The following LRMDA variants were observed in gnomAD, a reference collection of about 807,000 sequenced individuals.
The protein encoded by LRMDA is leucine rich melanocyte differentiation associated.
LRMDA carries 18 observed loss-of-function variants against 29.8 expected under a neutral mutation model. The ratio of observed to expected loss-of-function variants is 0.60; its 90% CI spans 0.42 to 0.90. The LOEUF is 0.90. Ranked by LOEUF, LRMDA falls within the 40% of genes least tolerant of loss-of-function variation. LRMDA has a pLI of 0.00. For synonymous variants in LRMDA, 125 were observed against 109.4 expected, an observed-to-expected ratio of 1.14 and a Z score of -0.89; for missense variants, 273 against 273.9, an observed-to-expected ratio of 1.00 and a Z score of 0.02.
At chr10:76,428,221 A>G (rs1842150477) in intron 6 of LRMDA, among the ~76,000 whole-genome samples, 1 of 152,130 alleles carries the variant, frequency 6.6e-6, no homozygotes, top group Non-Finnish European at 1.5e-5. Context: ...TTATTGAATT[A>G]GTTCTTCATT....
chr10:75,767,548 T>A (rs912631236), intron 2 of LRMDA, among the ~76,000 whole-genome samples: 2 of 151,956 alleles, frequency 1.3e-5, no homozygotes, highest in African/African-American at 4.9e-5. Context: ...GTCCATTTAA[T>A]GGCAGTCTTA....
At chr10:75,569,579 A>G (rs972038177) in intron 2 of LRMDA, among the ~76,000 whole-genome samples, 4 of 152,252 alleles carry the variant, frequency 2.6e-5, no homozygotes, top group Non-Finnish European at 4.4e-5. Context: ...TGATATAAAG[A>G]CATTAAGCAA....
intron 2 of LRMDA, among the ~76,000 whole-genome samples, chr10:75,807,211 C>T (rs757255358): frequency 2.6e-5 from 4 of 152,068 alleles, no homozygotes; most frequent in Non-Finnish European, 4.4e-5. Flanking sequence ...GAGCAGTAGG[C>T]ATATGGCCAG....
chr10:76,194,874 T>A (rs1381035538), intron 5 of LRMDA, among the ~76,000 whole-genome samples: 1 of 152,220 alleles, frequency 6.6e-6, no homozygotes, highest in Non-Finnish European at 1.5e-5. Context: ...GCCTTTAATG[T>A]TCCAAAGTAC....
At chr10:76,295,996 T>C (rs987480924) in intron 5 of LRMDA, among the ~76,000 whole-genome samples, 5 of 152,220 alleles carry the variant, frequency 3.3e-5, no homozygotes, top group Admixed American at 1.3e-4. Flanking sequence ...CCAATCTCCA[T>C]AGTACGTAAT....
At chr10:76,140,953 T>G (rs1850187394) in intron 5 of LRMDA, among the ~76,000 whole-genome samples, 1 of 152,052 alleles carries the variant, frequency 6.6e-6, no homozygotes, top group Non-Finnish European at 1.5e-5. Flanking sequence ...CAACCAACTC[T>G]CCTAAAAATC....
intron 5 of LRMDA, among the ~76,000 whole-genome samples, chr10:76,308,669 G>A (rs1330375213): frequency 1.3e-5 from 2 of 152,166 alleles, no homozygotes; most frequent in East Asian, 3.9e-4. Flanking sequence ...CCAGCCTGGG[G>A]ATGGAGAAGC....
chr10:76,475,312 G>A (rs139890284), intron 6 of LRMDA, among the ~76,000 whole-genome samples: 104 of 151,806 alleles, frequency 6.9e-4, no homozygotes, highest in Middle Eastern at 3.4e-3. Context: ...ATATTTTAAC[G>A]TAGTAAATTT....
intron 6 of LRMDA, among the ~76,000 whole-genome samples, chr10:76,423,437 T>A (rs1216441896): frequency 6.6e-6 from 1 of 152,120 alleles, no homozygotes. Context: ...GCTTATTAGT[T>A]GTTTGACCTA....
chr10:75,900,650 G>A (rs1845655149), intron 2 of LRMDA, among the ~76,000 whole-genome samples: 2 of 152,116 alleles, frequency 1.3e-5, no homozygotes, highest in Non-Finnish European at 2.9e-5. Flanking sequence ...AATGCACACA[G>A]ATGGCCTTTC....
intron 2 of LRMDA, among the ~76,000 whole-genome samples, chr10:75,564,956 T>C (rs1840351203): frequency 6.6e-6 from 1 of 152,252 alleles, no homozygotes; most frequent in African/African-American, 2.4e-5. Context: ...AATTTCCCTT[T>C]TAAACTGGTT....
chr10:75,502,000 G>T (rs1233040318), intron 2 of LRMDA, among the ~76,000 whole-genome samples: 1 of 152,148 alleles, frequency 6.6e-6, no homozygotes, highest in Non-Finnish European at 1.5e-5. Context: ...TGTGTGAAGT[G>T]CAGGGAGGTC....
At chr10:75,517,758 A>AG in intron 2 of LRMDA, among the ~76,000 whole-genome samples, 1 of 152,294 alleles carries the variant, frequency 6.6e-6, no homozygotes, top group African/African-American at 2.4e-5. Flanking sequence ...GTGGTGAGAG[A>AG]GGGCATCCTT....
chr10:76,317,194 T>C (rs567806025), intron 5 of LRMDA, among the ~76,000 whole-genome samples: 2 of 152,366 alleles, frequency 1.3e-5, no homozygotes, highest in Non-Finnish European at 2.9e-5. Flanking sequence ...TGGATAGCCT[T>C]GTACATGTTA....
intron 6 of LRMDA, among the ~76,000 whole-genome samples, chr10:76,442,065 T>A (rs1842309163): frequency 6.6e-6 from 1 of 152,220 alleles, no homozygotes; most frequent in African/African-American, 2.4e-5. Flanking sequence ...CTTTTTAATT[T>A]AATTGCTCTG....
At chr10:75,876,848 A>G (rs558388622) in intron 2 of LRMDA, among the ~76,000 whole-genome samples, 1 of 152,224 alleles carries the variant, frequency 6.6e-6, no homozygotes, top group East Asian at 1.9e-4. Flanking sequence ...AGCCCTTTTC[A>G]TGAGTGCCTC....
chr10:76,041,220 A>G (rs1812533969), intron 3 of LRMDA, among the ~76,000 whole-genome samples: 1 of 152,314 alleles, frequency 6.6e-6, no homozygotes, highest in African/African-American at 2.4e-5. Context: ...AATTGGAAGG[A>G]AGGATCTGAG....
chr10:75,850,057 A>G (rs766308021), intron 2 of LRMDA, among the ~76,000 whole-genome samples: 8 of 152,236 alleles, frequency 5.3e-5, no homozygotes, highest in Non-Finnish European at 5.9e-5. Context: ...GATGATAAAC[A>G]TGGTGTTTTC....
At position 76,198,354 on chromosome 10, in the gene LRMDA, C is replaced by T. The variant is rs527418073; in HGVS notation, c.517-126047C>T. On this transcript the variant is annotated intron_variant, in intron 5 of 6. Coordinates refer to ENST00000611255, the MANE Select transcript of LRMDA (RefSeq NM_001305581.2). ...TGCCTGGGGCAGAAGGCCAGTGGGC[C>T]GCACTTTGAGGAGGAAGAGTCTTAG... is the stretch of plus-strand genomic sequence containing the variant. Among the ~76,000 whole-genome samples, 53 of 152,312 alleles carry T rather than the reference C, an allele frequency of 3.5e-4. No individual in the cohort carries two copies. The South Asian group carries it at 7.0e-3, about 20-fold the overall frequency.
Sources: allele counts gnomAD v4.1 joint callset (sites outside exome capture counted in the v4.1 genomes callset), GRCh38; gene constraint gnomAD v4.1.1; transcripts MANE v1.5; gene names NCBI Gene and HGNC (gene_info 2026-07-23, HGNC 2026-07-21).